Variants in CCDC160 observed in about 807,000 individuals in gnomAD.
The protein encoded by CCDC160 is coiled-coil domain containing 160.
For synonymous variants in CCDC160, 94 were observed against 79.4 expected, an observed-to-expected ratio of 1.18 and a Z score of -0.98; for missense variants, 227 against 215.6, an observed-to-expected ratio of 1.05 and a Z score of -0.33.
At position 134,244,940 on chromosome X, in the gene CCDC160, T is replaced by G. The variant is rs762610338; in HGVS notation, c.140T>G (p.Ile47Ser). 1.8e-5 allele frequency: 22 copies of G among 1,203,094 alleles called. No individual in the cohort carries two copies. The South Asian group carries it at 3.5e-4, about 19-fold the overall frequency. The change falls in exon 2 of 2, where the codon ATT (isoleucine) becomes AGT (serine). Residue 47 changes from isoleucine to serine, a missense_variant. By Grantham distance (142) the Ile-to-Ser change is moderately radical. Transcript: ENST00000370809. ...GATAGCAGCAAGGGAATGGAAGAAA[T>G]TTATAATTTGTCCAGTAGAAAGTTT...
chrX:134,237,409 G>T (rs1342394543), intron 1 of CCDC160, 66 bp downstream of exon 1: 1 of 113,293 alleles, frequency 8.8e-6, no homozygotes, highest in African/African-American at 3.2e-5. Context: ...GGACACAGGG[G>T]GCGAAGGGGC....
downstream of CCDC160, among the ~76,000 whole-genome samples, chrX:134,246,650 A>T (rs1569478092): frequency 8.9e-6 from 1 of 112,069 alleles, no homozygotes; most frequent in East Asian, 2.8e-4. Flanking sequence ...CCAGCCCTGT[A>T]AGGGCTCCAG....
chrX:134,245,295 A>G, exon 2 of CCDC160: 1 of 1,189,608 alleles, frequency 8.4e-7, no homozygotes, highest in Non-Finnish European at 1.1e-6. Flanking sequence ...GAAAAATAGA[A>G]GAGGAATTTG....
At chrX:134,243,783 C>G (rs2077034209) in intron 1 of CCDC160, among the ~76,000 whole-genome samples, 1 of 111,598 alleles carries the variant, frequency 9.0e-6, no homozygotes. Context: ...AAGTGACCCT[C>G]TCCTTCTTCT....
intron 1 of CCDC160, among the ~76,000 whole-genome samples, chrX:134,239,820 T>C (rs1030021067): frequency 8.9e-6 from 1 of 111,972 alleles, no homozygotes; most frequent in Non-Finnish European, 1.9e-5. Context: ...GTGAAACAGG[T>C]ATATTGTCCC....
At chrX:134,244,349 A>C (rs952295797) in intron 1 of CCDC160, among the ~76,000 whole-genome samples, 1 of 112,533 alleles carries the variant, frequency 8.9e-6, no homozygotes, top group Admixed American at 9.4e-5. Context: ...TGAATTAACA[A>C]TAGTCCAATC....
chrX:134,244,929 A>G, exon 2 of CCDC160: 1 of 1,203,903 alleles, frequency 8.3e-7, no homozygotes, highest in Non-Finnish European at 1.1e-6. Flanking sequence ...GCAGCAAGGG[A>G]ATGGAAGAAA....
intron 1 of CCDC160, among the ~76,000 whole-genome samples, chrX:134,239,507 A>AGTTAGG (rs1336437382): frequency 8.9e-6 from 1 of 112,021 alleles, no homozygotes; most frequent in Admixed American, 9.5e-5. Flanking sequence ...AACTTACAGA[A>AGTTAGG]GTTAGGGATA....
chrX:134,245,333 A>G, exon 2 of CCDC160: 1 of 1,190,558 alleles, frequency 8.4e-7, no homozygotes, highest in Non-Finnish European at 1.1e-6. Flanking sequence ...CTTTTGCACT[A>G]CAAAAAAGAA....
chrX:134,244,953 C>A (rs774192405), exon 2 of CCDC160: 74 of 1,196,952 alleles, frequency 6.2e-5, no homozygotes, highest in Non-Finnish European at 8.0e-5. Flanking sequence ...ATAATTTGTC[C>A]AGTAGAAAGT....
At chrX:134,244,746 G>A (rs2077036588) in intron 1 of CCDC160, 31 bp from the exon 3 acceptor site, 2 of 1,104,576 alleles carry the variant, frequency 1.8e-6, no homozygotes, top group Non-Finnish European at 2.4e-6. Context: ...TAAATAATGT[G>A]CCTGCCTTGG....
intron 1 of CCDC160, among the ~76,000 whole-genome samples, chrX:134,240,344 C>A (rs1374854555): frequency 4.5e-5 from 5 of 111,710 alleles, no homozygotes; most frequent in African/African-American, 6.5e-5. Flanking sequence ...GGAGAAAGTT[C>A]TTTATGTTAA....
At chrX:134,245,793 C>T (rs2077041569), downstream of CCDC160, 4 of 1,072,970 alleles carry the variant, frequency 3.7e-6, no homozygotes, top group Non-Finnish European at 3.6e-6. Flanking sequence ...TAAAAAAATC[C>T]TTCCAGTAGG....
chrX:134,245,901 T>C (rs1162230973), downstream of CCDC160: 1 of 510,737 alleles, frequency 2.0e-6, no homozygotes, highest in African/African-American at 2.5e-5. Context: ...TAAATCACAG[T>C]ATCTATAAAA....
intron 1 of CCDC160, among the ~76,000 whole-genome samples, chrX:134,240,969 G>T (rs1003050881): frequency 1.8e-5 from 2 of 109,500 alleles, no homozygotes; most frequent in Admixed American, 2.0e-4. Flanking sequence ...GAGCCACTGT[G>T]CCCGTGTAAA....
chrX:134,239,355 A>C (rs1447230642), intron 1 of CCDC160, among the ~76,000 whole-genome samples: 1 of 112,115 alleles, frequency 8.9e-6, no homozygotes, highest in African/African-American at 3.2e-5. Flanking sequence ...GTGCCTCTGA[A>C]ATACAGTGGG....
chrX:134,246,659 A>G (rs1300879459), downstream of CCDC160, among the ~76,000 whole-genome samples: 1 of 112,099 alleles, frequency 8.9e-6, no homozygotes, highest in South Asian at 3.7e-4. Context: ...TAAGGGCTCC[A>G]GGTGATGACA....
chrX:134,243,750 T>G (rs1183132184), intron 1 of CCDC160, among the ~76,000 whole-genome samples: 1 of 112,027 alleles, frequency 8.9e-6, no homozygotes, highest in Non-Finnish European at 1.9e-5. Context: ...TATGTTTTGG[T>G]GAATTAATAT....
At chrX:134,246,536 C>T (rs192394057), downstream of CCDC160, among the ~76,000 whole-genome samples, 3 of 111,573 alleles carry the variant, frequency 2.7e-5, no homozygotes, top group East Asian at 5.7e-4. Context: ...GGGAAAATTT[C>T]GAAGCTTCCT....
Sources: gnomAD v4.1 joint callset for allele counts (sites outside exome capture counted in the v4.1 genomes callset) on GRCh38, gnomAD v4.1.1 for gene constraint, MANE v1.5 for transcripts, NCBI Gene and HGNC (gene_info 2026-07-23, HGNC 2026-07-21) for gene names.